Variants in PCNX3 observed in about 807,000 individuals in gnomAD.
The protein encoded by PCNX3 is pecanex 3.
In PCNX3, 58 loss-of-function variants were observed where a neutral mutation model predicts 207.2. The observed-to-expected ratio is 0.28, with a 90% CI of 0.23 to 0.35. The LOEUF is 0.35. Among genes scored for constraint, PCNX3 ranks in the 10% least tolerant of loss-of-function variants. PCNX3 has a pLI of 1.00. For synonymous variants in PCNX3, 1,337 were observed against 1,183.5 expected (o/e 1.13, Z -2.66); for missense variants, 2,410 against 2,774.4 (o/e 0.87, Z 2.95).
chr11:65,618,380 C>G lies in PCNX3; in HGVS notation c.1018C>G (p.Pro340Ala). ...PAPEGSDTDP[P>A]SEAELPASPD... ...CCCTGAGGGCAGCGACACAGACCCACCCTCTGAGGCTGAGCTGCCTGCCTC... is the reference window on the plus strand; with the variant it reads ...CCCTGAGGGCAGCGACACAGACCCAGCCTCTGAGGCTGAGCTGCCTGCCTC... Residue 340 changes from proline to alanine, a missense_variant, in exon 6 of 35, where the codon CCC becomes GCC. Transcript: ENST00000355703. 1 of 1,612,778 alleles carries G rather than the reference C, an allele frequency of 6.2e-7. No homozygotes were observed. The highest frequency in any genetic ancestry group is 8.5e-7 in the Non-Finnish European group (1 of 1,179,842).
Position 65,618,126 on chromosome 11 carries a change from CCCTGACCCAG to C in PCNX3, c.772_781del (p.Gln258GlyfsTer4). 1 of 1,610,928 alleles carries C rather than the reference CCCTGACCCAG, an allele frequency of 6.2e-7. No homozygotes were observed. On this transcript the variant is annotated frameshift_variant, in exon 6 of 35. Coordinates refer to ENST00000355703, the MANE Select transcript of PCNX3 (RefSeq NM_032223.4). LOFTEE classifies it high-confidence loss of function. ...CAGGAGCTGAGCAAGAGCTTCCTGA[CCCTGACCCAG>C]CCTGACCGGGCCCTGGTGAGGACCA...
At position 65,624,312 on chromosome 11, in the gene PCNX3, G is replaced by A; in HGVS notation, c.2662G>A (p.Gly888Ser). ...GCCCTTCCCACCTGTCTCCCTCTAC[G>A]GCCTCACGCTCTTCTCTGCCTCCTT... ...AQPFPPVSLY[G>S]LTLFSASFFF... The change falls in exon 14 of 35, where the codon GGC becomes AGC. Residue 888 changes from glycine (G) to serine (S), a missense_variant. Gly to Ser is a moderately conservative substitution (Grantham distance 56). This residue lies in a region of PCNX3 where 177 missense variants were observed against 257.5 expected (regional missense o/e 0.69). Coordinates refer to ENST00000355703, the MANE Select transcript of PCNX3 (RefSeq NM_032223.4). 1.9e-6 allele frequency: 3 copies of A among 1,571,334 alleles called. No individual in the cohort carries two copies. The highest frequency in any genetic ancestry group is 1.7e-6 in the Non-Finnish European group (2 of 1,157,750).
chr11:65,620,028 G>A lies in PCNX3; in HGVS notation c.2008+96G>A, dbSNP rs1033265200. On this transcript the variant is annotated intron_variant, in intron 8 of 34. Transcript: ENST00000355703. Reference sequence around the variant, plus strand: ...GTGGTGCTCGCTCGGCCCTGTGGCAGGTACACTGCTAATGCTGCCAGACAT... The same window carrying A: ...GTGGTGCTCGCTCGGCCCTGTGGCAAGTACACTGCTAATGCTGCCAGACAT... The A allele has an allele frequency of 1.7e-4, 218 of 1,285,198 alleles. No homozygotes were observed. In the Middle Eastern group the frequency reaches 2.4e-3, roughly 14 times the overall value. The allele number at this position is 1,285,198 out of a possible 1,614,324, so 79.6% of individuals were successfully genotyped here. A position where few individuals can be genotyped will look rare whatever the true frequency, so the allele number is the denominator to read the frequency against.
chr11:65,620,096 T>C (rs1855006696), intron 8 of PCNX3, among the ~76,000 whole-genome samples, 164 bp downstream of exon 8: 1 of 152,224 alleles, frequency 6.6e-6, no homozygotes, highest in Non-Finnish European at 1.5e-5. Context: ...CTGTCATCTT[T>C]TGCTCTGCTG....
chr11:65,620,789 G>C (rs1223272908), intron 9 of PCNX3, 42 bp from the exon 10 acceptor site: 3 of 1,579,988 alleles, frequency 1.9e-6, no homozygotes, highest in Non-Finnish European at 2.6e-6. Context: ...CCAGCCCCAG[G>C]GCTCGCCCGT....
rs370064689 is a variant in PCNX3 at position 65,619,883 on chromosome 11, C to A, written c.1959C>A (p.Thr653=). 14 of 1,611,822 alleles carry A rather than the reference C, an allele frequency of 8.7e-6. No homozygotes were observed. Among genetic ancestry groups the A allele is most frequent in the Non-Finnish European group, 1.2e-5 (14 of 1,179,544 alleles). Residue 653 remains threonine, a synonymous_variant, in exon 8 of 35, where the codon ACC becomes ACA. Coordinates refer to ENST00000355703, the MANE Select transcript of PCNX3 (RefSeq NM_032223.4). ...RAGANVHEAC[T]FDDTSEGAVH... ...GTGCCAATGTGCATGAGGCCTGCAC[C>A]TTTGATGACACTTCTGAGGGTGCTG...
chr11:65,629,066 G>A (rs1162157691), intron 24 of PCNX3, 118 bp downstream of exon 24: 1 of 1,424,500 alleles, frequency 7.0e-7, no homozygotes, highest in Middle Eastern at 2.1e-4. Context: ...CTTGGTCACA[G>A]TGGGGACACA....
chr11:65,636,490 C>T lies in PCNX3; in HGVS notation c.5693C>T (p.Pro1898Leu), dbSNP rs1385672603. The T allele has an allele frequency of 3.8e-6, 6 of 1,574,956 alleles. No individual in the cohort carries two copies. The highest frequency in any genetic ancestry group is 3.9e-5 in the Admixed American group (2 of 51,612). The change falls in exon 34 of 35, where the codon CCT (proline) becomes CTT (leucine). Residue 1898 changes from proline to leucine, a missense_variant. By Grantham distance (98) the Pro-to-Leu change is moderately conservative. This residue lies in a region of PCNX3 where 278 missense variants were observed against 245.1 expected (regional missense o/e 1.13). Transcript: ENST00000355703. ...CGGCCCCCACCTCTGCTGCAGTGGC[C>T]TCCCCCTCGGCTCCCTGGACCACCC... is the stretch of plus-strand genomic sequence containing the variant. ...DGRPPPLLQW[P>L]PPRLPGPPPA...
chr11:65,629,125 C>T (rs1275275155), intron 24 of PCNX3, among the ~76,000 whole-genome samples, 177 bp downstream of exon 24: 3 of 152,200 alleles, frequency 2.0e-5, no homozygotes, highest in Non-Finnish European at 4.4e-5. Context: ...GCCAAGGCTT[C>T]AGGCTCACAG....
At position 65,618,247 on chromosome 11, in the gene PCNX3, C is replaced by T. The variant is rs146636531; in HGVS notation, c.885C>T (p.Ala295=). The change falls in exon 6 of 35, where the codon GCC becomes GCT. Residue 295 remains alanine, a synonymous_variant. Coordinates refer to ENST00000355703, the MANE Select transcript of PCNX3 (RefSeq NM_032223.4). The part of the protein sequence containing the change: ...RGSGEPTPQK[A]GSSDSCFSGT... ...CAGGGGAGCCCACGCCCCAGAAAGCCGGCTCCTCAGACTCCTGCTTCAGCG... is the reference window on the plus strand; with the variant it reads ...CAGGGGAGCCCACGCCCCAGAAAGCTGGCTCCTCAGACTCCTGCTTCAGCG... 1.8e-4 allele frequency: 297 copies of T among 1,608,754 alleles called. 1 individual carries two copies. The highest frequency in any genetic ancestry group is 1.0e-3 in the Admixed American group (62 of 59,452).
intron 9 of PCNX3, 102 bp downstream of exon 9, chr11:65,620,531 C>T (rs1223860300): frequency 1.1e-5 from 15 of 1,306,906 alleles, no homozygotes; most frequent in African/African-American, 1.5e-5. Context: ...TGGGCTTGGG[C>T]AGGGGCAGCT....
intron 23 of PCNX3, 26 bp from the exon 24 acceptor site, chr11:65,628,793 C>T (rs747229796): frequency 1.9e-6 from 3 of 1,609,084 alleles, no homozygotes; most frequent in Non-Finnish European, 2.5e-6. Flanking sequence ...GTCCTGTTGC[C>T]CGCCGCCTCC....
At chr11:65,617,098 C>G in intron 2 of PCNX3, 87 bp downstream of exon 2, 1 of 1,428,782 alleles carries the variant, frequency 7.0e-7, no homozygotes, top group South Asian at 1.3e-5. Context: ...GCTTAGGGAA[C>G]ATTGGCTCTC....
intron 2 of PCNX3, 52 bp from the exon 3 acceptor site, chr11:65,617,198 G>C: frequency 6.6e-7 from 1 of 1,505,490 alleles, no homozygotes; most frequent in Non-Finnish European, 9.1e-7. Context: ...GGAGGAAGTA[G>C]CATACACAGA....
intron 11 of PCNX3, 102 bp downstream of exon 11, chr11:65,622,468 G>A (rs1855158477): frequency 1.5e-5 from 20 of 1,373,332 alleles, no homozygotes; most frequent in Non-Finnish European, 1.8e-5. Context: ...CAGAGAGCCT[G>A]ACTCGGGGGA....
In PCNX3 at chr11:65,620,909, G is replaced by A. The variant is rs758556563; in HGVS notation, c.2178G>A (p.Pro726=). ...CAGGCGGCCTGAACCTGCTGCAGCC[G>A]AGGCCTGTGGTTCTGCAGGGCATGC... ...EATGGLNLLQ[P]RPVVLQGMQV... Residue 726 remains proline (P), a synonymous_variant, in exon 10 of 35, where the codon CCG becomes CCA. Coordinates refer to ENST00000355703, the MANE Select transcript of PCNX3 (RefSeq NM_032223.4). 32 of 1,564,412 alleles carry A rather than the reference G, an allele frequency of 2.0e-5. No homozygotes were observed. Among genetic ancestry groups the A allele is most frequent in the Non-Finnish European group, 2.7e-5 (31 of 1,155,162 alleles).
At position 65,636,395 on chromosome 11, in the gene PCNX3, T is replaced by C. The variant is rs751494256; in HGVS notation, c.5598T>C (p.Asn1866=). The C allele has an allele frequency of 5.8e-6, 9 of 1,563,582 alleles. No homozygotes were observed. Among genetic ancestry groups the C allele is most frequent in the Admixed American group, 3.8e-5 (2 of 53,034 alleles). The change falls in exon 34 of 35, where the codon AAT becomes AAC. Residue 1866 remains asparagine (N), a synonymous_variant. Coordinates refer to ENST00000355703, the MANE Select transcript of PCNX3 (RefSeq NM_032223.4). ...TGTCTTATCTGTCTCCTACAGGCAATGGTGACCAACCCCTCCCACCAGGCC... is the reference window on the plus strand; with the variant it reads ...TGTCTTATCTGTCTCCTACAGGCAACGGTGACCAACCCCTCCCACCAGGCC... The part of the protein sequence containing the change: ...AHPTPENTAG[N]GDQPLPPGPG...
chr11:65,629,180 C>G (rs1037246600), intron 24 of PCNX3, among the ~76,000 whole-genome samples, 177 bp from the exon 25 acceptor site: 1 of 152,186 alleles, frequency 6.6e-6, no homozygotes, highest in Non-Finnish European at 1.5e-5. Context: ...CTCCCAGCTT[C>G]TTGGCTGTGT....
Position 65,636,992 on chromosome 11 carries a change from C to T in PCNX3, c.*14C>T. On this transcript the variant is annotated 3_prime_UTR_variant, in exon 35 of 35. Transcript: ENST00000355703. The stretch of plus-strand genomic sequence containing the variant: ...CACCAGTACTGAGCTACCTGGCGCC[C>T]ACTGGACCACCTCCTAGGATTCAGT... The T allele has an allele frequency of 6.4e-7, 1 of 1,559,604 alleles. No homozygotes were observed.
Sources: gnomAD v4.1 joint callset for allele counts (sites outside exome capture counted in the v4.1 genomes callset) on GRCh38, gnomAD v4.1.1 for gene constraint, gnomAD v4.1.1 regional missense constraint, MANE v1.5 for transcripts, NCBI Gene and HGNC (gene_info 2026-07-23, HGNC 2026-07-21) for gene names.